The following SFMBT1 variants were observed in gnomAD, a reference collection of about 807,000 sequenced individuals.
SFMBT1 encodes scm-like with four MBT domains protein 1.
Under a neutral mutation model 108.7 loss-of-function variants are expected in SFMBT1, and 32 were observed. The ratio of observed to expected loss-of-function variants is 0.29; its 90% confidence interval spans 0.22 to 0.40. The LOEUF is 0.40. Ranked by LOEUF, SFMBT1 falls within the 10% of genes least tolerant of loss-of-function variation. The pLI, the probability that SFMBT1 is intolerant of heterozygous loss-of-function variation, is 1.00. For missense variants in SFMBT1, 816 were observed against 1,059.6 expected (o/e 0.77, Z 3.19); for synonymous variants, 348 against 369.5 (o/e 0.94, Z 0.67).
intron 16 of SFMBT1, 140 bp from the exon 17 acceptor site, chr3:52,911,318 CA>C: frequency 2.7e-6 from 2 of 729,214 alleles, no homozygotes; most frequent in Non-Finnish European, 4.1e-6. Flanking sequence ...GCCCTGAAAA[CA>C]ACAAGGAAGT....
intron 1 of SFMBT1, among the ~76,000 whole-genome samples, chr3:53,041,574 C>T (rs1186307636): frequency 1.3e-5 from 2 of 151,604 alleles, no homozygotes; most frequent in Non-Finnish European, 2.9e-5. Flanking sequence ...GGTGCATGCC[C>T]ATAATCCCAG....
chr3:52,928,139 C>A, intron 9 of SFMBT1, 52 bp downstream of exon 9: 1 of 1,583,140 alleles, frequency 6.3e-7, no homozygotes, highest in Non-Finnish European at 8.6e-7. Context: ...TGACATGTCT[C>A]ATTTCAAGGA....
intron 6 of SFMBT1, among the ~76,000 whole-genome samples, chr3:52,931,393 T>C (rs1702855091): frequency 6.6e-6 from 1 of 152,170 alleles, no homozygotes; most frequent in Admixed American, 6.5e-5. Flanking sequence ...TAATCAACAA[T>C]TTGCTGTGAC....
intron 4 of SFMBT1, among the ~76,000 whole-genome samples, chr3:52,935,878 A>G (rs919291489): frequency 1.3e-5 from 2 of 151,768 alleles, no homozygotes; most frequent in Non-Finnish European, 2.9e-5. Context: ...CTCCACATTT[A>G]TTGAGACCTG....
chr3:53,006,227 G>A (rs1479682819), intron 1 of SFMBT1, among the ~76,000 whole-genome samples: 1 of 152,176 alleles, frequency 6.6e-6, no homozygotes, highest in African/African-American at 2.4e-5. Flanking sequence ...TAAAATGACA[G>A]GAAAGTAAGC....
At chr3:52,905,976 T>C in intron 20 of SFMBT1, 137 bp downstream of exon 20, 1 of 1,019,280 alleles carries the variant, frequency 9.8e-7, no homozygotes, top group Non-Finnish European at 1.4e-6. Flanking sequence ...CTTTGACTCC[T>C]AAAAATGGAA....
chr3:53,016,006 G>A (rs1011759011), intron 1 of SFMBT1, among the ~76,000 whole-genome samples: 7 of 152,060 alleles, frequency 4.6e-5, no homozygotes, highest in Non-Finnish European at 8.8e-5. Context: ...CTGCAGTAGG[G>A]AAGACTTATT....
intron 1 of SFMBT1, among the ~76,000 whole-genome samples, chr3:53,016,156 T>TA (rs1423597412): frequency 1.6e-3 from 221 of 138,888 alleles, no homozygotes; most frequent in Middle Eastern, 3.7e-3. Context: ...AAGGACAAAG[T>TA]GAAAAAAAAA....
chr3:52,995,746 A>G (rs1698302792), intron 1 of SFMBT1, among the ~76,000 whole-genome samples: 1 of 149,726 alleles, frequency 6.7e-6, no homozygotes, highest in Non-Finnish European at 1.5e-5. Flanking sequence ...ACAAACAATA[A>G]ATTGGGACTG....
At chr3:52,952,611 G>A (rs931003849) in intron 3 of SFMBT1, among the ~76,000 whole-genome samples, 2 of 152,190 alleles carry the variant, frequency 1.3e-5, no homozygotes, top group Non-Finnish European at 2.9e-5. Context: ...AGGGGATTCA[G>A]AATCTGGTGA....
chr3:53,001,861 G>A (rs1698560744), intron 1 of SFMBT1, among the ~76,000 whole-genome samples: 1 of 146,968 alleles, frequency 6.8e-6, no homozygotes, highest in South Asian at 2.2e-4. Flanking sequence ...GGAGGTCAAG[G>A]CTGCAGTGAG....
intron 1 of SFMBT1, among the ~76,000 whole-genome samples, chr3:52,972,423 T>A (rs1371042496): frequency 6.6e-6 from 1 of 152,188 alleles, no homozygotes; most frequent in Admixed American, 6.5e-5. Flanking sequence ...ACGCTCTCTC[T>A]TTATTGTTAG....
intron 1 of SFMBT1, among the ~76,000 whole-genome samples, chr3:53,034,459 T>C (rs1699800311): frequency 6.6e-6 from 1 of 151,854 alleles, no homozygotes; most frequent in Non-Finnish European, 1.5e-5. Flanking sequence ...TGCCTGTCTA[T>C]AATCCCAGTT....
intron 1 of SFMBT1, among the ~76,000 whole-genome samples, chr3:52,978,873 G>A (rs973078486): frequency 1.3e-5 from 2 of 152,048 alleles, no homozygotes; most frequent in South Asian, 2.1e-4. Flanking sequence ...CATATTATAC[G>A]CTTCCATTTA....
At chr3:52,967,382 G>A (rs1309692007) in intron 2 of SFMBT1, among the ~76,000 whole-genome samples, 3 of 152,144 alleles carry the variant, frequency 2.0e-5, no homozygotes, top group Admixed American at 1.3e-4. Flanking sequence ...GTAAATCCTA[G>A]AGACAGAAAG....
chr3:52,960,072 A>G (rs1257246599), intron 2 of SFMBT1, among the ~76,000 whole-genome samples: 3 of 151,928 alleles, frequency 2.0e-5, no homozygotes, highest in African/African-American at 7.2e-5. Flanking sequence ...GCAACCCTTC[A>G]ATGGAATACT....
chr3:52,999,459 G>A (rs1037205586), intron 1 of SFMBT1, among the ~76,000 whole-genome samples: 15 of 150,408 alleles, frequency 1.0e-4, no homozygotes, highest in African/African-American at 3.4e-4. Context: ...AGCTGCTTCC[G>A]GATTGCGTTG....
chr3:53,038,090 G>A lies in SFMBT1; in HGVS notation c.-131+7726C>T, dbSNP rs1181883078. Among the ~76,000 whole-genome samples the A allele has an allele frequency of 3.3e-5, 5 of 151,704 alleles. No individual in the cohort carries two copies. The East Asian group carries it at 7.7e-4, about 23-fold the overall frequency. On this transcript the variant is annotated intron_variant, in intron 1 of 20. Transcript: ENST00000394752. Reference sequence around the variant, plus strand: ...CTGCACTCCAGCCTGGGCAACAAGAGCAAAACTTTGTCTCAAAAAAAAAAT... The same window carrying A: ...CTGCACTCCAGCCTGGGCAACAAGAACAAAACTTTGTCTCAAAAAAAAAAT...
rs368459786 is a variant in SFMBT1, at chr3:53,029,796, G to C, written c.-131+16020C>G. On this transcript the variant is annotated intron_variant, in intron 1 of 20. Transcript: ENST00000394752. ...GCCATCCCCTCTGCAACATGTGGTG[G>C]GTGGAGGGTGGGGAGAATGGGGGTG... 3.9e-5 allele frequency among the ~76,000 whole-genome samples: 6 copies of C among 152,190 alleles called. 1 individual carries two copies. The East Asian group carries it at 7.7e-4, about 20-fold the overall frequency.
Sources: allele counts gnomAD v4.1 joint callset (sites outside exome capture counted in the v4.1 genomes callset), GRCh38; gene constraint gnomAD v4.1.1; transcripts MANE v1.5; gene names NCBI Gene and HGNC (gene_info 2026-07-23, HGNC 2026-07-21).